CACNA2D1: variants seen among roughly 807,000 people sequenced by gnomAD.
CACNA2D1 encodes voltage-dependent calcium channel subunit alpha-2/delta-1.
A neutral mutation model predicts 171.5 loss-of-function variants in CACNA2D1; 53 were observed. The observed-to-expected ratio is 0.31, with a 90% CI of 0.25 to 0.39. The LOEUF (loss-of-function observed/expected upper bound fraction) is 0.39. CACNA2D1 is among the 10% of genes least tolerant of loss of function. CACNA2D1 has a pLI of 1.00. For synonymous variants in CACNA2D1, 442 were observed against 443.1 expected (o/e 1.00, Z 0.03); for missense variants, 903 against 1,299.8 (o/e 0.69, Z 4.69).
chr7:82,386,735 A>G (rs1563471436), intron 1 of CACNA2D1, among the ~76,000 whole-genome samples: 1 of 146,222 alleles, frequency 6.8e-6, no homozygotes. Flanking sequence ...CTCTGTCTCA[A>G]AAATAAATAA....
At chr7:82,144,481 T>C (rs1584906632) in intron 4 of CACNA2D1, among the ~76,000 whole-genome samples, 1 of 152,026 alleles carries the variant, frequency 6.6e-6, no homozygotes. Context: ...ATTCAGGTAA[T>C]TTGCAAAATG....
intron 7 of CACNA2D1, among the ~76,000 whole-genome samples, chr7:82,074,827 T>C (rs913802542): frequency 3.3e-5 from 5 of 152,174 alleles, no homozygotes; most frequent in African/African-American, 1.2e-4. Context: ...TATCACTATA[T>C]TGGTTGGAGA....
chr7:82,362,709 G>A (rs748805371), intron 1 of CACNA2D1, among the ~76,000 whole-genome samples: 25 of 152,108 alleles, frequency 1.6e-4, no homozygotes, highest in Non-Finnish European at 2.9e-4. Flanking sequence ...TTGTATCACC[G>A]TTGGACATCT....
chr7:81,951,876 A>G (rs902849061), intron 38 of CACNA2D1, among the ~76,000 whole-genome samples: 1 of 151,058 alleles, frequency 6.6e-6, no homozygotes, highest in Non-Finnish European at 1.5e-5. Flanking sequence ...ACTGGATCAA[A>G]TGGTAGTTCT....
chr7:82,023,850 C>G (rs896858545), intron 12 of CACNA2D1: 1 of 151,782 alleles, frequency 6.6e-6, no homozygotes, highest in Non-Finnish European at 1.5e-5. Context: ...CAGGCAACCA[C>G]TATTTCACTC....
intron 5 of CACNA2D1, among the ~76,000 whole-genome samples, chr7:82,135,166 C>A (rs951909528): frequency 6.6e-6 from 1 of 151,988 alleles, no homozygotes; most frequent in South Asian, 2.1e-4. Context: ...CAATGCCATT[C>A]ACTTTATTCT....
chr7:82,015,979 G>A (rs1211353340), intron 12 of CACNA2D1, among the ~76,000 whole-genome samples: 1 of 152,178 alleles, frequency 6.6e-6, no homozygotes, highest in African/African-American at 2.4e-5. Flanking sequence ...AGGCCACATG[G>A]TGAACATAAT....
rs187684482 is a variant in CACNA2D1, at chr7:81,959,400, C to T, written c.3077-43G>A. On this transcript the variant is annotated intron_variant, in intron 37 of 38. Coordinates refer to ENST00000356860, the MANE Select transcript of CACNA2D1 (RefSeq NM_000722.4). ...AGGAATCTCATGTTAGTTTTTTTCACATGATTAAAAATAAATACAATGCAA... is the reference window on the plus strand; with the variant it reads ...AGGAATCTCATGTTAGTTTTTTTCATATGATTAAAAATAAATACAATGCAA... 57 of 1,329,478 alleles carry T rather than the reference C, an allele frequency of 4.3e-5. No homozygotes were observed. The African/African-American group carries it at 7.4e-4, about 17-fold the overall frequency. The allele number at this position is 1,329,478 out of a possible 1,614,324, so 82.4% of individuals were successfully genotyped here.
chr7:82,408,215 G>T lies in CACNA2D1; in HGVS notation c.95+35150C>A, dbSNP rs1480477657. Among the ~76,000 whole-genome samples the T allele has an allele frequency of 2.6e-5, 4 of 151,790 alleles. No individual in the cohort carries two copies. The East Asian group carries it at 7.7e-4, about 29-fold the overall frequency. On this transcript the variant is annotated intron_variant, in intron 1 of 38. Transcript: ENST00000356860. ...TTTTTTTATTTTTAGTAGAGGCGGGGTTTCACCATATTCGCCAGGTTGGTC... is the reference window on the plus strand; with the variant it reads ...TTTTTTTATTTTTAGTAGAGGCGGGTTTTCACCATATTCGCCAGGTTGGTC...
chr7:81,995,512 A>T (rs1797950724), intron 19 of CACNA2D1, among the ~76,000 whole-genome samples: 1 of 152,140 alleles, frequency 6.6e-6, no homozygotes, highest in South Asian at 2.1e-4. Flanking sequence ...AAAATATGCA[A>T]GGTCGGCCAG....
intron 6 of CACNA2D1, among the ~76,000 whole-genome samples, chr7:82,106,957 C>T (rs1022217904): frequency 1.3e-5 from 2 of 152,178 alleles, no homozygotes; most frequent in Non-Finnish European, 2.9e-5. Flanking sequence ...ACTTGAAGTA[C>T]TCTTAACTCA....
At chr7:82,272,178 C>A (rs1808720283) in intron 3 of CACNA2D1, among the ~76,000 whole-genome samples, 2 of 151,928 alleles carry the variant, frequency 1.3e-5, no homozygotes, top group African/African-American at 4.8e-5. Flanking sequence ...TTGTAGTATT[C>A]CAGCTTTTAG....
Position 81,948,931 on chromosome 7 carries a change from T to C in CACNA2D1, c.*1461A>G, listed in dbSNP as rs150069246. On this transcript the variant is annotated 3_prime_UTR_variant, in exon 39 of 39. Coordinates refer to ENST00000356860, the MANE Select transcript of CACNA2D1 (RefSeq NM_000722.4). ...CACTAACCATTTTCACCAATGAGGC[T>C]GTATAAAAAACAACTTTTATTATTC... 404 of 152,106 alleles carry C rather than the reference T, an allele frequency of 2.7e-3. 5 individuals are homozygous for C. Among genetic ancestry groups the C allele is most frequent in the African/African-American group, 9.3e-3 (385 of 41,568 alleles). 9.4% of individuals were successfully genotyped at this position (152,106 alleles called of 1,614,324 possible). A position where few individuals can be genotyped will look rare whatever the true frequency, so the allele number is the denominator to read the frequency against.
intron 1 of CACNA2D1, among the ~76,000 whole-genome samples, chr7:82,366,592 G>GGTGT (rs111666051): frequency 0.62 from 93,570 of 151,490 alleles, 29,555 homozygotes; most frequent in Middle Eastern, 0.74. Flanking sequence ...TTTCATGGCA[G>GGTGT]GTATCACATT....
intron 5 of CACNA2D1, among the ~76,000 whole-genome samples, chr7:82,126,339 T>C (rs1790334083): frequency 1.3e-5 from 2 of 152,180 alleles, no homozygotes; most frequent in African/African-American, 2.4e-5. Context: ...TGTAGAAGTA[T>C]TTGGAAATAA....
chr7:82,233,440 A>G (rs975116440), intron 3 of CACNA2D1, among the ~76,000 whole-genome samples: 1 of 152,196 alleles, frequency 6.6e-6, no homozygotes, highest in African/African-American at 2.4e-5. Flanking sequence ...TTTTAACACC[A>G]GAGATTAGTT....
chr7:82,139,235 G>A (rs967496656), intron 4 of CACNA2D1, among the ~76,000 whole-genome samples: 12 of 152,204 alleles, frequency 7.9e-5, no homozygotes, highest in Non-Finnish European at 1.5e-5. Context: ...ATTAGTCAAT[G>A]TATTTCCTAG....
chr7:82,276,535 C>T (rs1381039030), intron 3 of CACNA2D1, among the ~76,000 whole-genome samples: 1 of 152,152 alleles, frequency 6.6e-6, no homozygotes, highest in East Asian at 1.9e-4. Context: ...GGGATGGTGG[C>T]AAGAGTGTCC....
At chr7:82,428,803 G>GT (rs1554554245) in intron 1 of CACNA2D1, among the ~76,000 whole-genome samples, 6 of 152,162 alleles carry the variant, frequency 3.9e-5, no homozygotes, top group Non-Finnish European at 8.8e-5. Context: ...GGCTATACCA[G>GT]AAGCAGGGTT....
Sources: gnomAD v4.1 joint callset for allele counts (sites outside exome capture counted in the v4.1 genomes callset) on GRCh38, gnomAD v4.1.1 for gene constraint, MANE v1.5 for transcripts, NCBI Gene and HGNC (gene_info 2026-07-23, HGNC 2026-07-21) for gene names.